PIEZO1: variants seen among roughly 807,000 people sequenced by gnomAD.
PIEZO1 encodes piezo-type mechanosensitive ion channel component 1.
In PIEZO1, 296 loss-of-function variants were observed where a neutral mutation model predicts 297.2. The ratio of observed to expected loss-of-function variants is 1.00; its 90% CI spans 0.91 to 1.10. The LOEUF (loss-of-function observed/expected upper bound fraction) is 1.10, where lower values mean the gene tolerates loss of function less well. PIEZO1 is among the 50% of genes least tolerant of loss of function. The pLI, the probability that PIEZO1 is intolerant of heterozygous loss-of-function variation, is 0.00. For missense variants in PIEZO1, 5,018 were observed against 3,455.5 expected, an observed-to-expected ratio of 1.45 and a Z score of -11.34; for synonymous variants, 2,427 against 1,507.5, an observed-to-expected ratio of 1.61 and a Z score of -14.13.
intron 1 of PIEZO1, among the ~76,000 whole-genome samples, chr16:88,752,147 AT>A (rs1476122345): frequency 3.9e-5 from 6 of 152,242 alleles, no homozygotes; most frequent in Non-Finnish European, 8.8e-5. Context: ...CAATGCGAAC[AT>A]GCTTACCGCT....
rs80295101 is a variant in PIEZO1, at chr16:88,716,695, C to T, written c.6790G>A (p.Asp2264Asn). Residue 2264 changes from aspartate to asparagine, a missense_variant, in exon 47 of 51, where the codon GAC becomes AAC. Coordinates refer to ENST00000301015, the MANE Select transcript of PIEZO1 (RefSeq NM_001142864.4). ...MQFISQYSPEDIVTAQIEGSS... is the reference protein window; with the variant it reads ...MQFISQYSPENIVTAQIEGSS... ...CCCTCAATCTGCGCCGTGACGATGT[C>T]CTCAGGGCTGTACTGGCTGATGAAC... The T allele has an allele frequency of 1.9e-6, 3 of 1,548,616 alleles. No homozygotes were observed. The highest frequency in any genetic ancestry group is 2.7e-5 in the African/African-American group (2 of 73,064).
At position 88,784,110 on chromosome 16, in the gene PIEZO1, C is replaced by T. The variant is rs1485192370; in HGVS notation, c.64+791G>A. On this transcript the variant is annotated intron_variant, in intron 1 of 50. Coordinates refer to ENST00000301015, the MANE Select transcript of PIEZO1 (RefSeq NM_001142864.4). ...GGGTGCCAGGCCGTGCAGCACCAAG[C>T]CACCCGGGTGTGCTTCGCGAAAGGG... 9.2e-5 allele frequency among the ~76,000 whole-genome samples: 14 copies of T among 152,340 alleles called. No homozygotes were observed. In the East Asian group the frequency reaches 2.3e-3, roughly 25 times the overall value.
chr16:88,737,523 C>CA (rs759626274), intron 10 of PIEZO1, 36 bp downstream of exon 10: 4 of 1,438,318 alleles, frequency 2.8e-6, no homozygotes, highest in East Asian at 2.5e-5. Flanking sequence ...CCCCGCCCCC[C>CA]GCACCCAGCC....
chr16:88,737,909 C>T (rs1329291337), intron 8 of PIEZO1, 25 bp downstream of exon 8: 19 of 1,530,830 alleles, frequency 1.2e-5, no homozygotes, highest in Non-Finnish European at 1.7e-5. Context: ...CCTCAGCCCA[C>T]CCACCATGGG....
chr16:88,784,242 G>A (rs963349967), intron 1 of PIEZO1, among the ~76,000 whole-genome samples: 15 of 152,234 alleles, frequency 9.9e-5, no homozygotes, highest in African/African-American at 3.6e-4. Flanking sequence ...CCCAGACCAG[G>A]GCAGAGGCCG....
chr16:88,722,605 TG>T lies in PIEZO1; in HGVS notation c.4752del (p.Asn1585MetfsTer19). The T allele has an allele frequency of 6.5e-7, 1 of 1,537,394 alleles. No homozygotes were observed. Among genetic ancestry groups the T allele is most frequent in the Non-Finnish European group, 8.7e-7 (1 of 1,145,050 alleles). ...EATLPGPTEAPNAPSTVSSGL... is the reference protein window; with the variant it reads ...EATLPGPTEAXNAPSTVSSGL... ...TACCTGGACACGGTGCTTGGGGCAT[TG>T]GGGGCCTCGGTGGGGCCTGGCAGCG... On this transcript the variant is annotated frameshift_variant, in exon 35 of 51. Coordinates refer to ENST00000301015, the MANE Select transcript of PIEZO1 (RefSeq NM_001142864.4). LOFTEE classifies it high-confidence loss of function.
intron 25 of PIEZO1, 21 bp from the exon 26 acceptor site, chr16:88,726,664 C>T (rs759981527): frequency 5.9e-5 from 78 of 1,329,342 alleles, no homozygotes; most frequent in African/African-American, 3.6e-4. Context: ...GCAGGGTCAG[C>T]GGGGCCAGCG....
rs77170706 is a variant in PIEZO1, at chr16:88,721,319, C to G, written c.5515G>C (p.Glu1839Gln). ...EGPGVPAATTEDHIQVEARVG... is the reference protein window; with the variant it reads ...EGPGVPAATTQDHIQVEARVG... ...CTGGCTTCCACCTGAATGTGGTCTT[C>G]GGTGGTGGCCGCAGGCACCCCTGGC... is the stretch of plus-strand genomic sequence containing the variant. Residue 1839 changes from glutamate to glutamine, a missense_variant, in exon 39 of 51, where the codon GAA becomes CAA. Transcript: ENST00000301015. 4.5e-6 allele frequency: 7 copies of G among 1,546,154 alleles called. No homozygotes were observed. Among genetic ancestry groups the G allele is most frequent in the Non-Finnish European group, 8.7e-7 (1 of 1,146,720 alleles).
chr16:88,715,665 C>T lies in PIEZO1; in HGVS notation c.7506G>A (p.Lys2502=), dbSNP rs1389924336. 5 of 1,550,236 alleles carry T rather than the reference C, an allele frequency of 3.2e-6. No homozygotes were observed. In the African/African-American group the frequency reaches 4.1e-5, roughly 13 times the overall value. The change falls in exon 51 of 51, where the codon AAG becomes AAA. Residue 2502 remains lysine (K), a synonymous_variant. Coordinates refer to ENST00000301015, the MANE Select transcript of PIEZO1 (RefSeq NM_001142864.4). ...CCGGTGAGCGGTAGAGGAAGATGAGCTTGGCGTACAACTCCTCCTCCAGCT... is the reference window on the plus strand; with the variant it reads ...CCGGTGAGCGGTAGAGGAAGATGAGTTTGGCGTACAACTCCTCCTCCAGCT... ...ELELEEELYA[K]LIFLYRSPET...
chr16:88,725,511 C>G lies in PIEZO1; in HGVS notation c.4067G>C (p.Arg1356Pro), dbSNP rs780831903. ...GTGCTTCTCCTGCTTGGCACGGATA[C>G]GCTCCATCCTGTGGTGGGGAAAGGT... ...SLAQLKRQME[R>P]IRAKQEKHRQ... The change falls in exon 29 of 51, where the codon CGT becomes CCT. Residue 1356 changes from arginine to proline, a missense_variant. Coordinates refer to ENST00000301015, the MANE Select transcript of PIEZO1 (RefSeq NM_001142864.4). 6.5e-7 allele frequency: 1 copy of G among 1,534,062 alleles called. No individual in the cohort carries two copies. The highest frequency in any genetic ancestry group is 8.8e-7 in the Non-Finnish European group (1 of 1,137,154).
chr16:88,716,462 A>G lies in PIEZO1; in HGVS notation c.6948T>C (p.Thr2316=), dbSNP rs1355706045. ...NFQRDLAKGG[T]VEYANEKHML... ...TGTGCTTCTCGTTGGCATACTCCAC[A>G]GTGCCTCCCTTCGCCAGGTCCCTGG... The change falls in exon 48 of 51, where the codon ACT becomes ACC. Residue 2316 remains threonine, a synonymous_variant. Transcript: ENST00000301015. 3 of 1,548,968 alleles carry G rather than the reference A, an allele frequency of 1.9e-6. No homozygotes were observed. The highest frequency in any genetic ancestry group is 2.6e-6 in the Non-Finnish European group (3 of 1,146,232).
At chr16:88,725,196 T>G (rs1160032879) in intron 29 of PIEZO1, 116 bp from the exon 30 acceptor site, 1 of 784,852 alleles carries the variant, frequency 1.3e-6, no homozygotes, top group East Asian at 3.0e-5. Flanking sequence ...ACACCCACAG[T>G]GACGGGGGCC....
intron 47 of PIEZO1, 33 bp from the exon 48 acceptor site, chr16:88,716,516 G>C: frequency 1.3e-6 from 2 of 1,538,488 alleles, no homozygotes; most frequent in Non-Finnish European, 1.8e-6. Flanking sequence ...ACCCACTGTA[G>C]TGGGTCCACC....
intron 22 of PIEZO1, chr16:88,731,425 G>C: frequency 2.1e-6 from 1 of 466,414 alleles, no homozygotes; most frequent in African/African-American, 1.9e-5. Context: ...AGTGCTCCTT[G>C]TGTGACTCAC....
chr16:88,738,426 A>T lies in PIEZO1; in HGVS notation c.649T>A (p.Ser217Thr). Residue 217 changes from serine (S) to threonine (T), a missense_variant, in exon 7 of 51, where the codon TCG becomes ACG. Transcript: ENST00000301015. ...AGCAGGTAGACACTGGAGAGGGCCG[A>T]GGGGTGGGCGATGCCTGCGGGGCAG... is the stretch of plus-strand genomic sequence containing the variant. ...LLALAGIAHP[S>T]ALSSVYLLLF... is the part of the protein sequence containing the mutation. The T allele has an allele frequency of 1.3e-6, 2 of 1,535,632 alleles. No homozygotes were observed. Among genetic ancestry groups the T allele is most frequent in the Non-Finnish European group, 1.7e-6 (2 of 1,146,766 alleles).
At position 88,736,910 on chromosome 16, in the gene PIEZO1, G is replaced by C. The variant is rs1283469057; in HGVS notation, c.1196-171C>G. The C allele has an allele frequency of 9.8e-6, 5 of 510,754 alleles. No individual in the cohort carries two copies. The Admixed American group carries it at 1.5e-4, about 15-fold the overall frequency. 31.6% of individuals were successfully genotyped at this position (510,754 alleles called of 1,614,324 possible). ...GCAATTGGGCTGACACCGTCCCTGAGCGTCAGGGATGGCCCTGCCAGCACC... is the reference window on the plus strand; with the variant it reads ...GCAATTGGGCTGACACCGTCCCTGACCGTCAGGGATGGCCCTGCCAGCACC... On this transcript the variant is annotated intron_variant, in intron 10 of 50. Coordinates refer to ENST00000301015, the MANE Select transcript of PIEZO1 (RefSeq NM_001142864.4).
chr16:88,722,119 C>T (rs943473465), intron 36 of PIEZO1, 53 bp from the exon 37 acceptor site: 23 of 1,525,350 alleles, frequency 1.5e-5, no homozygotes, highest in Admixed American at 4.0e-5. Context: ...GAAGGCATGA[C>T]GGCCCGATCT....
chr16:88,733,383 C>T lies in PIEZO1; in HGVS notation c.2559G>A (p.Met853Ile), dbSNP rs1458795778. 1.9e-6 allele frequency: 3 copies of T among 1,550,070 alleles called. No homozygotes were observed. The highest frequency in any genetic ancestry group is 1.4e-5 in the African/African-American group (1 of 73,052). Reference sequence around the variant, plus strand: ...TCCACACGGTGGACAGGCAGGAGGCCATGGGCCGGAAGCGTGGGTAGGGCA... The same window carrying T: ...TCCACACGGTGGACAGGCAGGAGGCTATGGGCCGGAAGCGTGGGTAGGGCA... Reference protein sequence around the residue: ...FALPYPRFRPMASCLSTVWTC... With the variant: ...FALPYPRFRPIASCLSTVWTC... The change falls in exon 19 of 51, where the codon ATG (methionine) becomes ATA (isoleucine). Residue 853 changes from methionine to isoleucine, a missense_variant. By Grantham distance (10) the Met-to-Ile change is conservative. Coordinates refer to ENST00000301015, the MANE Select transcript of PIEZO1 (RefSeq NM_001142864.4).
rs918916882 is a variant in PIEZO1, at chr16:88,734,615, G to A, written c.1997+35C>T. Reference sequence around the variant, plus strand: ...GCCCCGGGGAAGTGCACGGGGTTTCGGCGCCCCTGCCCCACCGCCCCAGCC... The same window carrying A: ...GCCCCGGGGAAGTGCACGGGGTTTCAGCGCCCCTGCCCCACCGCCCCAGCC... On this transcript the variant is annotated intron_variant, in intron 15 of 50. Coordinates refer to ENST00000301015, the MANE Select transcript of PIEZO1 (RefSeq NM_001142864.4). The A allele has an allele frequency of 3.8e-5, 59 of 1,549,270 alleles. No individual in the cohort carries two copies. The Admixed American group carries it at 6.7e-4, about 18-fold the overall frequency.
Sources: allele counts gnomAD v4.1 joint callset (sites outside exome capture counted in the v4.1 genomes callset), GRCh38; gene constraint gnomAD v4.1.1; transcripts MANE v1.5; gene names NCBI Gene and HGNC (gene_info 2026-07-23, HGNC 2026-07-21).